P3H2: variants seen among roughly 807,000 people sequenced by gnomAD.
P3H2 encodes the protein leprecan-like 1.
P3H2 carries 80 observed loss-of-function variants against 87.0 expected under a neutral mutation model. The observed-to-expected ratio is 0.92, with a 90% CI of 0.77 to 1.11. The LOEUF (loss-of-function observed/expected upper bound fraction) is 1.11. Among genes scored for constraint, P3H2 ranks in the 50% least tolerant of loss-of-function variants. The probability of loss-of-function intolerance (pLI) is 0.00; values close to 1 mark genes in which losing one functional copy is unlikely to be tolerated. For synonymous variants in P3H2, 367 were observed against 359.3 expected (o/e 1.02, Z -0.24); for missense variants, 1,001 against 923.9 (o/e 1.08, Z -1.08).
chr3:190,025,465 T>G (rs1002101607), intron 1 of P3H2, among the ~76,000 whole-genome samples: 9 of 152,082 alleles, frequency 5.9e-5, no homozygotes, highest in African/African-American at 2.2e-4. Context: ...TTTGTTTTCT[T>G]GGACCACTAA....
intron 14 of P3H2, among the ~76,000 whole-genome samples, chr3:189,960,057 G>T (rs1254447537): frequency 6.6e-6 from 1 of 152,100 alleles, no homozygotes; most frequent in African/African-American, 2.4e-5. Flanking sequence ...AGATGCTCTG[G>T]CTTTCTTTGT....
chr3:189,987,932 T>C (rs1723757684), intron 4 of P3H2, among the ~76,000 whole-genome samples: 1 of 152,242 alleles, frequency 6.6e-6, no homozygotes, highest in South Asian at 2.1e-4. Flanking sequence ...AGATGTTTGT[T>C]GACAACTTTT....
intron 1 of P3H2, among the ~76,000 whole-genome samples, chr3:190,071,141 A>T (rs1309007353): frequency 6.6e-6 from 1 of 152,222 alleles, no homozygotes; most frequent in African/African-American, 2.4e-5. Context: ...CTGATGAACT[A>T]AGCAAATCCC....
chr3:189,990,536 G>A (rs1280535942), intron 3 of P3H2, among the ~76,000 whole-genome samples: 1 of 151,748 alleles, frequency 6.6e-6, no homozygotes, highest in Non-Finnish European at 1.5e-5. Flanking sequence ...CAGCAAAATA[G>A]GAGTGACAGA....
intron 1 of P3H2, among the ~76,000 whole-genome samples, chr3:190,073,587 T>C (rs796677624): frequency 6.6e-5 from 10 of 152,250 alleles, no homozygotes; most frequent in East Asian, 3.9e-4. Flanking sequence ...GTGGGCATGA[T>C]TGAAGGTCGC....
Position 190,021,791 on chromosome 3 carries a change from G to T in P3H2, c.481-26349C>A, listed in dbSNP as rs7618218. Among the ~76,000 whole-genome samples, 69 of 134,536 alleles carry T rather than the reference G, an allele frequency of 5.1e-4. 5 individuals carry two copies. Among genetic ancestry groups the T allele is most frequent in the African/African-American group, 1.6e-3 (63 of 39,008 alleles). 88.3% of individuals were successfully genotyped at this position (134,536 alleles called of 152,430 possible). A position where few individuals can be genotyped will look rare whatever the true frequency, so the allele number is the denominator to read the frequency against. On this transcript the variant is annotated intron_variant, in intron 1 of 14. Coordinates refer to ENST00000319332, the MANE Select transcript of P3H2 (RefSeq NM_018192.4). ...GCATAATGCTAGGTACTGGTGATCT[G>T]AGTGTTTAAAAAATAAGCATCTCTG...
intron 3 of P3H2, among the ~76,000 whole-genome samples, chr3:189,992,002 G>A (rs1245439002): frequency 7.1e-6 from 1 of 140,838 alleles, no homozygotes; most frequent in Non-Finnish European, 1.5e-5. Context: ...TCCAAGTTTG[G>A]TAAAAAATCA....
intron 1 of P3H2, among the ~76,000 whole-genome samples, chr3:190,102,371 C>T (rs1053407788): frequency 6.6e-6 from 1 of 152,112 alleles, no homozygotes; most frequent in African/African-American, 2.4e-5. Flanking sequence ...TAATAGCATT[C>T]GTGATTCATA....
intron 13 of P3H2, among the ~76,000 whole-genome samples, chr3:189,965,417 TTGTG>T (rs1722945764): frequency 6.6e-6 from 1 of 152,158 alleles, no homozygotes; most frequent in African/African-American, 2.4e-5. Context: ...TATATGTGAC[TTGTG>T]TGTGAGTGTT....
At chr3:190,112,664 G>GT (rs1712117591) in intron 1 of P3H2, among the ~76,000 whole-genome samples, 2 of 152,286 alleles carry the variant, frequency 1.3e-5, no homozygotes, top group African/African-American at 4.8e-5. Flanking sequence ...TAGTACAGTA[G>GT]AGCAGAAAGG....
chr3:190,024,012 A>T (rs1210420222), intron 1 of P3H2, among the ~76,000 whole-genome samples: 1 of 152,206 alleles, frequency 6.6e-6, no homozygotes, highest in Non-Finnish European at 1.5e-5. Flanking sequence ...TGTAAAATAT[A>T]AACATATGTG....
intron 1 of P3H2, among the ~76,000 whole-genome samples, chr3:190,013,159 T>A (rs929349821): frequency 2.6e-5 from 4 of 152,188 alleles, no homozygotes; most frequent in Non-Finnish European, 5.9e-5. Context: ...TATATTGATA[T>A]GAATATAATA....
chr3:190,116,412 G>C (rs1417682235), intron 1 of P3H2, among the ~76,000 whole-genome samples: 1 of 152,182 alleles, frequency 6.6e-6, no homozygotes, highest in South Asian at 2.1e-4. Context: ...GAGAACTAAA[G>C]CTGAAAAATC....
intron 1 of P3H2, among the ~76,000 whole-genome samples, chr3:190,073,113 T>C (rs948500952): frequency 6.6e-6 from 1 of 152,240 alleles, no homozygotes; most frequent in Non-Finnish European, 1.5e-5. Flanking sequence ...AAATATTTAT[T>C]ATCAGAATTT....
At chr3:190,094,992 C>T (rs1026444863) in intron 1 of P3H2, among the ~76,000 whole-genome samples, 3 of 152,000 alleles carry the variant, frequency 2.0e-5, no homozygotes, top group Non-Finnish European at 2.9e-5. Context: ...AGTTTGAAAA[C>T]TTAGTAAAAG....
chr3:190,013,331 T>C (rs943158834), intron 1 of P3H2, among the ~76,000 whole-genome samples: 3 of 152,242 alleles, frequency 2.0e-5, no homozygotes, highest in Non-Finnish European at 2.9e-5. Flanking sequence ...GGTTACAAAC[T>C]ATAGCAGTCT....
At chr3:190,045,132 A>ATG (rs1560376948) in intron 1 of P3H2, among the ~76,000 whole-genome samples, 2 of 152,184 alleles carry the variant, frequency 1.3e-5, no homozygotes, top group Non-Finnish European at 2.9e-5. Flanking sequence ...TTTGAGGAAG[A>ATG]CCTTTGGCAT....
intron 1 of P3H2, among the ~76,000 whole-genome samples, chr3:190,054,634 C>T (rs1384499461): frequency 6.6e-6 from 1 of 152,160 alleles, no homozygotes; most frequent in African/African-American, 2.4e-5. Context: ...AGAGTCCTAA[C>T]TGCTTTAAAG....
intron 1 of P3H2, among the ~76,000 whole-genome samples, chr3:190,087,077 C>T (rs923612477): frequency 4.0e-4 from 61 of 152,194 alleles, no homozygotes; most frequent in Non-Finnish European, 8.8e-5. Flanking sequence ...ATCCAGCGAA[C>T]TCCTATTCAT....
Sources: allele counts gnomAD v4.1 joint callset (sites outside exome capture counted in the v4.1 genomes callset), GRCh38; gene constraint gnomAD v4.1.1; transcripts MANE v1.5; gene names NCBI Gene and HGNC (gene_info 2026-07-23, HGNC 2026-07-21).